PHEX: variants seen among roughly 807,000 people sequenced by gnomAD.
PHEX encodes phosphate-regulating neutral endopeptidase PHEX.
PHEX carries 16 observed loss-of-function variants against 68.0 expected under a neutral mutation model. The observed-to-expected ratio is 0.24, with a 90% confidence interval of 0.16 to 0.36. The LOEUF (loss-of-function observed/expected upper bound fraction) is 0.36. PHEX is among the 10% of genes least tolerant of loss of function. The probability of loss-of-function intolerance (pLI) is 1.00; values close to 1 mark genes in which losing one functional copy is unlikely to be tolerated. For missense variants in PHEX, 480 were observed against 575.5 expected (o/e 0.83, Z 1.70); for synonymous variants, 208 against 205.1 (o/e 1.01, Z -0.12).
chrX:22,032,406 C>G lies in PHEX; in HGVS notation c.-600C>G, dbSNP rs1189213293. The stretch of plus-strand genomic sequence containing the variant: ...CACAAAGTTCCTGAAATAAAATGCT[C>G]CAGGATATCCTAGGAACTCTTAGAA... On this transcript the variant is annotated 5_prime_UTR_variant, in exon 1 of 22. Coordinates refer to ENST00000379374, the MANE Select transcript of PHEX (RefSeq NM_000444.6). 8.8e-6 allele frequency: 1 copy of G among 113,738 alleles called. No individual in the cohort carries two copies. Among genetic ancestry groups the G allele is most frequent in the Non-Finnish European group, 1.8e-5 (1 of 54,849 alleles). 9.4% of individuals were successfully genotyped at this position (113,738 alleles called of 1,213,427 possible).
chrX:22,222,727 A>T (rs1261941657), intron 18 of PHEX, among the ~76,000 whole-genome samples: 1 of 112,100 alleles, frequency 8.9e-6, no homozygotes, highest in Non-Finnish European at 1.9e-5. Flanking sequence ...TAGTATATAC[A>T]GGCATGAAGA....
intron 11 of PHEX, among the ~76,000 whole-genome samples, chrX:22,121,107 G>A (rs1369101853): frequency 8.9e-6 from 1 of 112,187 alleles, no homozygotes; most frequent in East Asian, 2.8e-4. Flanking sequence ...TTTTCTTATA[G>A]AGTAAACCCT....
rs1022066137 is a variant in PHEX at position 22,155,530 on chromosome X, A to C, written c.1405-12782A>C. 9.8e-5 allele frequency among the ~76,000 whole-genome samples: 11 copies of C among 112,080 alleles called. No individual in the cohort carries two copies. The East Asian group carries it at 3.1e-3, about 31-fold the overall frequency. On this transcript the variant is annotated intron_variant, in intron 12 of 21. Transcript: ENST00000379374. ...GGTATTTATTGCAGGTGTGTTTCTA[A>C]GCCCTTTCAACCTTGATATTTGAAA...
chrX:22,126,868 T>TC (rs1931750019), intron 11 of PHEX, among the ~76,000 whole-genome samples: 2 of 80,249 alleles, frequency 2.5e-5, no homozygotes, highest in African/African-American at 1.2e-4. Context: ...ATAGTTGTTT[T>TC]TTTTTTTTTT....
intron 3 of PHEX, among the ~76,000 whole-genome samples, chrX:22,055,174 C>CAAAAAAAAAAAAAAAAAAAAAAAAAA (rs111628195): frequency 7.6e-5 from 5 of 66,100 alleles, no homozygotes; most frequent in Non-Finnish European, 1.2e-4. Flanking sequence ...GACTCCAGCT[C>CAAAAAAAAAAAAAAAAAAAAAAAAAA]AAAAAAAAAA....
chrX:22,182,475 C>T (rs939191978), intron 14 of PHEX, among the ~76,000 whole-genome samples: 1 of 111,018 alleles, frequency 9.0e-6, no homozygotes, highest in African/African-American at 3.3e-5. Flanking sequence ...GAGGGAAGGA[C>T]GGTATAGGCA....
At chrX:22,218,691 G>A (rs901706359) in intron 16 of PHEX, among the ~76,000 whole-genome samples, 2 of 111,491 alleles carry the variant, frequency 1.8e-5, no homozygotes, top group Admixed American at 1.9e-4. Context: ...CCTGTTCTAG[G>A]TGTTCATAAA....
intron 9 of PHEX, among the ~76,000 whole-genome samples, chrX:22,102,636 C>G (rs1930481494): frequency 8.9e-6 from 1 of 112,023 alleles, no homozygotes; most frequent in Non-Finnish European, 1.9e-5. Flanking sequence ...AATGGAACCC[C>G]AAAGGATAAA....
intron 3 of PHEX, among the ~76,000 whole-genome samples, chrX:22,067,938 T>A (rs1928683151): frequency 9.1e-6 from 1 of 110,249 alleles, no homozygotes; most frequent in South Asian, 3.9e-4. Flanking sequence ...GTTCAAGTGA[T>A]TCTCCTGACT....
In PHEX at chrX:22,244,462, C is replaced by T. The variant is rs753487470; in HGVS notation, c.2071-871C>T. Among the ~76,000 whole-genome samples, 143 of 110,253 alleles carry T rather than the reference C, an allele frequency of 1.3e-3. 1 individual carries two copies. The highest frequency in any genetic ancestry group is 2.3e-3 in the Non-Finnish European group (122 of 52,682). On this transcript the variant is annotated intron_variant, in intron 20 of 21. Transcript: ENST00000379374. Reference sequence around the variant, plus strand: ...AAAAAAAATACAAAAATTAGCTGGGCGTGGCGGTGTGCACCTGTAATCCCA... The same window carrying T: ...AAAAAAAATACAAAAATTAGCTGGGTGTGGCGGTGTGCACCTGTAATCCCA...
intron 16 of PHEX, among the ~76,000 whole-genome samples, chrX:22,218,478 G>T (rs916948760): frequency 8.9e-6 from 1 of 111,806 alleles, no homozygotes. Context: ...TCAAATCTTT[G>T]CTATTCAGTT....
At chrX:22,177,419 A>C (rs149404834) in intron 13 of PHEX, among the ~76,000 whole-genome samples, 1,220 of 111,669 alleles carry the variant, frequency 0.011, 13 homozygotes, top group African/African-American at 0.037. Flanking sequence ...GGTCACTACA[A>C]ACGATTGCAT....
chrX:22,047,020 C>T, intron 2 of PHEX, 30 bp from the exon 3 acceptor site: 1 of 1,160,217 alleles, frequency 8.6e-7, no homozygotes. Flanking sequence ...CAGTGCTTGT[C>T]ATTAATCCTA....
At chrX:22,087,202 G>A (rs1272466335) in intron 5 of PHEX, among the ~76,000 whole-genome samples, 1 of 112,298 alleles carries the variant, frequency 8.9e-6, no homozygotes, top group Non-Finnish European at 1.9e-5. Context: ...TATCTACACA[G>A]TTTCCTTTCC....
intron 5 of PHEX, among the ~76,000 whole-genome samples, chrX:22,084,763 C>T (rs187058089): frequency 5.3e-4 from 59 of 110,430 alleles, no homozygotes; most frequent in African/African-American, 1.7e-3. Flanking sequence ...TTATTCATTT[C>T]TTCTAGATGT....
At chrX:22,098,513 A>G (rs1478042794) in intron 8 of PHEX, among the ~76,000 whole-genome samples, 1 of 107,699 alleles carries the variant, frequency 9.3e-6, no homozygotes, top group Non-Finnish European at 1.9e-5. Context: ...CAGGCCGAGC[A>G]TGGTGGCTCA....
Position 22,032,769 on chromosome X carries a change from T to G in PHEX, c.-237T>G. 2.5e-6 allele frequency: 1 copy of G among 398,688 alleles called. No individual in the cohort carries two copies. The allele number at this position is 398,688 out of a possible 1,213,427, so 32.9% of individuals were successfully genotyped here. The stretch of plus-strand genomic sequence containing the variant: ...GAGCACCAAGATAAAGCAACACTGT[T>G]TGTTTTGTCTAGTCAGGGGGAAAGC... On this transcript the variant is annotated 5_prime_UTR_variant, in exon 1 of 22. Transcript: ENST00000379374.
At chrX:22,209,297 G>A (rs756933405) in intron 15 of PHEX, among the ~76,000 whole-genome samples, 4 of 111,054 alleles carry the variant, frequency 3.6e-5, no homozygotes, top group Admixed American at 9.6e-5. Context: ...AAGCAAATGC[G>A]AAATTGGAGT....
intron 15 of PHEX, among the ~76,000 whole-genome samples, chrX:22,199,018 A>C (rs1442109431): frequency 2.7e-5 from 3 of 111,409 alleles, no homozygotes; most frequent in African/African-American, 9.8e-5. Flanking sequence ...CATGAGACTT[A>C]TTCACTATCA....
Sources: gnomAD v4.1 joint callset for allele counts (sites outside exome capture counted in the v4.1 genomes callset) on GRCh38, gnomAD v4.1.1 for gene constraint, MANE v1.5 for transcripts, NCBI Gene and HGNC (gene_info 2026-07-23, HGNC 2026-07-21) for gene names.